Variants in GRK3 observed in about 807,000 individuals in gnomAD.
The protein encoded by GRK3 is G protein-coupled receptor kinase 3.
GRK3 carries 54 observed loss-of-function variants against 95.7 expected under a neutral mutation model. That is an observed-to-expected ratio of 0.56 (90% CI 0.45 to 0.71). The LOEUF (loss-of-function observed/expected upper bound fraction) is 0.71, where lower values mean the gene tolerates loss of function less well. Among genes scored for constraint, GRK3 ranks in the 30% least tolerant of loss-of-function variants. The pLI is 0.00. For synonymous variants in GRK3, 281 were observed against 290.8 expected, an observed-to-expected ratio of 0.97 and a Z score of 0.34; for missense variants, 649 against 851.2, an observed-to-expected ratio of 0.76 and a Z score of 2.96.
intron 13 of GRK3, among the ~76,000 whole-genome samples, chr22:25,696,655 C>G (rs982850596): frequency 3.3e-5 from 5 of 152,192 alleles, no homozygotes; most frequent in Non-Finnish European, 7.3e-5. Flanking sequence ...GAGAGCCTAA[C>G]TGAGCACCAC....
chr22:25,606,823 C>T (rs756225598), intron 2 of GRK3, among the ~76,000 whole-genome samples: 5 of 152,226 alleles, frequency 3.3e-5, no homozygotes, highest in Middle Eastern at 3.4e-3. Flanking sequence ...GAGGCATTGC[C>T]GAACTGGGAG....
At chr22:25,644,151 G>T (rs867995306) in intron 2 of GRK3, among the ~76,000 whole-genome samples, 107 of 144,264 alleles carry the variant, frequency 7.4e-4, no homozygotes, top group South Asian at 1.7e-3. Context: ...TTTTTTGTTT[G>T]TTTGTTTTTT....
rs141448974 is a variant in GRK3 at position 25,612,848 on chromosome 22, G to GTCCTT, written c.190+8396_190+8397insCCTTT. Among the ~76,000 whole-genome samples the GTCCTT allele has an allele frequency of 6.4e-3, 895 of 140,682 alleles. 7 individuals carry two copies. Among genetic ancestry groups the GTCCTT allele is most frequent in the Middle Eastern group, 0.035 (9 of 260 alleles). The allele number at this position is 140,682 out of a possible 152,430, so 92.3% of individuals were successfully genotyped here. A position where few individuals can be genotyped will look rare whatever the true frequency, so the allele number is the denominator to read the frequency against. Reference sequence around the variant, plus strand: ...AAAACAGAAACTACTACCTCTAAAAGTTAAAAAAAAAAAAAATCTGAGCAG... The same window carrying GTCCTT: ...AAAACAGAAACTACTACCTCTAAAAGTCCTTTTAAAAAAAAAAAAAATCTGAGCAG... On this transcript the variant is annotated intron_variant, in intron 2 of 20. Coordinates refer to ENST00000324198, the MANE Select transcript of GRK3 (RefSeq NM_005160.4).
intron 1 of GRK3, among the ~76,000 whole-genome samples, chr22:25,588,700 A>G (rs117236272): frequency 0.023 from 3,451 of 152,310 alleles, 62 homozygotes; most frequent in Middle Eastern, 0.068. Flanking sequence ...GTGGTCATTA[A>G]AAAGAATCTT....
intron 2 of GRK3, among the ~76,000 whole-genome samples, chr22:25,619,366 C>T (rs532090232): frequency 2.6e-4 from 40 of 152,204 alleles, no homozygotes; most frequent in Admixed American, 6.5e-4. Context: ...GGCAAGGAGC[C>T]GAGCCTCAGA....
At chr22:25,565,269 A>C in intron 1 of GRK3, 116 bp downstream of exon 1, 3 of 452,216 alleles carry the variant, frequency 6.6e-6, no homozygotes, top group Non-Finnish European at 1.1e-5. Flanking sequence ...GGCGGGTGAC[A>C]CAGCGGAGCG....
At chr22:25,570,893 C>T (rs1931676816) in intron 1 of GRK3, among the ~76,000 whole-genome samples, 1 of 152,100 alleles carries the variant, frequency 6.6e-6, no homozygotes, top group Non-Finnish European at 1.5e-5. Flanking sequence ...TTTTGGAAGC[C>T]TTCTTTTGGG....
chr22:25,682,497 T>C (rs2085082585), intron 9 of GRK3, among the ~76,000 whole-genome samples: 1 of 152,216 alleles, frequency 6.6e-6, no homozygotes, highest in South Asian at 2.1e-4. Context: ...CCTAGGGATG[T>C]GGTCTTGAGC....
At chr22:25,654,514 T>C (rs1051888025) in intron 3 of GRK3, among the ~76,000 whole-genome samples, 1 of 152,232 alleles carries the variant, frequency 6.6e-6, no homozygotes, top group Non-Finnish European at 1.5e-5. Context: ...AAACGTAAGC[T>C]AAATCCAAAA....
chr22:25,701,501 A>G (rs2085258673), intron 13 of GRK3, among the ~76,000 whole-genome samples: 2 of 152,186 alleles, frequency 1.3e-5, no homozygotes, highest in Non-Finnish European at 2.9e-5. Flanking sequence ...GAATCGCTAT[A>G]TTTATAAATG....
rs1308276259 is a variant in GRK3, at chr22:25,565,119, C to A, written c.79C>A (p.Arg27Ser). 2 of 1,549,354 alleles carry A rather than the reference C, an allele frequency of 1.3e-6. No homozygotes were observed. Among genetic ancestry groups the A allele is most frequent in the African/African-American group, 2.8e-5 (2 of 70,212 alleles). Residue 27 changes from arginine to serine, a missense_variant, in exon 1 of 21, where the codon CGC becomes AGC. Transcript: ENST00000324198. ...MEKSKATPAA[R>S]ASKRIVLPEP... ...GAAGAGCAAGGCGACCCCGGCCGCC[C>A]GCGCCAGCAAGAGGATCGTCCTGCC...
intron 2 of GRK3, among the ~76,000 whole-genome samples, chr22:25,631,596 G>C (rs533976164): frequency 2.0e-5 from 3 of 152,092 alleles, no homozygotes; most frequent in Non-Finnish European, 4.4e-5. Context: ...GTTTATTGAG[G>C]TATAATTTAA....
At chr22:25,669,924 A>G (rs1260156721) in intron 6 of GRK3, among the ~76,000 whole-genome samples, 4 of 152,372 alleles carry the variant, frequency 2.6e-5, no homozygotes, top group Admixed American at 6.5e-5. Flanking sequence ...AAGACCAGTC[A>G]TAGATTTATA....
At chr22:25,661,485 C>G (rs2084909073) in intron 3 of GRK3, 91 bp from the exon 4 acceptor site, 1 of 691,788 alleles carries the variant, frequency 1.4e-6, no homozygotes, top group East Asian at 2.7e-5. Flanking sequence ...ATCTCATGTG[C>G]AAGTGGTTTC....
chr22:25,696,828 G>A (rs2085212838), intron 13 of GRK3, among the ~76,000 whole-genome samples: 1 of 152,180 alleles, frequency 6.6e-6, no homozygotes, highest in Non-Finnish European at 1.5e-5. Flanking sequence ...TTAGAAAGTC[G>A]GGTTCTGTTA....
chr22:25,648,487 T>A (rs1222031275), intron 3 of GRK3: 3 of 1,410,346 alleles, frequency 2.1e-6, no homozygotes, highest in African/African-American at 2.8e-5. Context: ...TGGATGGGAA[T>A]ATGGAATGGA....
chr22:25,592,951 T>C (rs1932544477), intron 1 of GRK3, among the ~76,000 whole-genome samples: 1 of 152,184 alleles, frequency 6.6e-6, no homozygotes, highest in Non-Finnish European at 1.5e-5. Flanking sequence ...CTTAGGATAA[T>C]CACCTACCGC....
chr22:25,574,647 G>A (rs1203696153), intron 1 of GRK3, among the ~76,000 whole-genome samples: 1 of 152,194 alleles, frequency 6.6e-6, no homozygotes, highest in Non-Finnish European at 1.5e-5. Context: ...GTATTTGGTG[G>A]TGGTGGCGGG....
chr22:25,584,169 G>A (rs544132318), intron 1 of GRK3, among the ~76,000 whole-genome samples: 2 of 152,360 alleles, frequency 1.3e-5, no homozygotes, highest in East Asian at 1.9e-4. Flanking sequence ...CTCTGCTTTA[G>A]CCATGTGGTG....
Sources: gnomAD v4.1 joint callset for allele counts (sites outside exome capture counted in the v4.1 genomes callset) on GRCh38, gnomAD v4.1.1 for gene constraint, MANE v1.5 for transcripts, NCBI Gene and HGNC (gene_info 2026-07-23, HGNC 2026-07-21) for gene names.